BIRC6: variants seen among roughly 807,000 people sequenced by gnomAD.
BIRC6 encodes dual E2 ubiquitin-conjugating enzyme/E3 ubiquitin-protein ligase BIRC6.
In BIRC6, 98 loss-of-function variants were observed where a neutral mutation model predicts 503.3. The observed-to-expected ratio is 0.19, with a 90% CI of 0.17 to 0.23. The LOEUF (loss-of-function observed/expected upper bound fraction) is 0.23. BIRC6 is among the 10% of genes least tolerant of loss of function. BIRC6 has a pLI of 1.00. For missense variants in BIRC6, 5,360 were observed against 5,806.0 expected (o/e 0.92, Z 2.50); for synonymous variants, 2,240 against 2,078.7 (o/e 1.08, Z -2.11).
chr2:32,376,532 A>ATT (rs2036810103), intron 1 of BIRC6, among the ~76,000 whole-genome samples: 1 of 152,226 alleles, frequency 6.6e-6, no homozygotes, highest in African/African-American at 2.4e-5. Flanking sequence ...AAATAGACTA[A>ATT]TATCTACATA....
In BIRC6 at chr2:32,471,066, G is replaced by C; in HGVS notation, c.6534G>C (p.Leu2178Phe). ...ISWVVMLVSR[L>F]LDYVATVEDE... Reference sequence around the variant, plus strand: ...GGGTTGTTATGCTGGTGTCCAGGTTGCTGGATTATGTGGCAACTGTTGAAG... The same window carrying C: ...GGGTTGTTATGCTGGTGTCCAGGTTCCTGGATTATGTGGCAACTGTTGAAG... The change falls in exon 32 of 74, where the codon TTG becomes TTC. Residue 2178 changes from leucine to phenylalanine, a missense_variant. Physicochemically the swap from Leu to Phe is conservative, Grantham distance 22. Transcript: ENST00000421745. 1 of 1,583,686 alleles carries C rather than the reference G, an allele frequency of 6.3e-7. No individual in the cohort carries two copies. Among genetic ancestry groups the C allele is most frequent in the South Asian group, 1.2e-5 (1 of 86,472 alleles).
chr2:32,515,568 T>C lies in BIRC6; in HGVS notation c.11147T>C (p.Leu3716Pro). The C allele has an allele frequency of 6.2e-7, 1 of 1,613,990 alleles. No homozygotes were observed. Among genetic ancestry groups the C allele is most frequent in the Non-Finnish European group, 8.5e-7 (1 of 1,179,892 alleles). ...SEVNPLWTAL[L>P]FLLCHSGSTS... ...GTCAATCCACTATGGACAGCACTTC[T>C]GTTTTTATTGTGTCACTCTGGGTCC... Residue 3716 changes from leucine (L) to proline (P), a missense_variant, in exon 55 of 74, where the codon CTG becomes CCG. Leu to Pro is a moderately conservative substitution (Grantham distance 98, BLOSUM62 -3). This residue lies in a region of BIRC6 where 878 missense variants were observed against 928.9 expected (regional missense o/e 0.95). Transcript: ENST00000421745.
At chr2:32,453,661 A>G (rs2046944599) in intron 22 of BIRC6, 147 bp from the exon 23 acceptor site, 3 of 735,618 alleles carry the variant, frequency 4.1e-6, no homozygotes, top group African/African-American at 1.8e-5. Context: ...AGTTTTCTTA[A>G]TACCATGCCC....
At chr2:32,603,238 A>T (rs1455325656) in intron 71 of BIRC6, among the ~76,000 whole-genome samples, 155 bp downstream of exon 71, 2 of 152,216 alleles carry the variant, frequency 1.3e-5, no homozygotes, top group Non-Finnish European at 2.9e-5. Context: ...AGAAGTTAGC[A>T]TAATGGAGTC....
chr2:32,398,178 C>T (rs1004402124), intron 6 of BIRC6, among the ~76,000 whole-genome samples: 5 of 152,174 alleles, frequency 3.3e-5, no homozygotes, highest in African/African-American at 1.2e-4. Flanking sequence ...GGACCATACC[C>T]TAGTAACTAG....
At chr2:32,500,863 C>T (rs1174157515) in intron 46 of BIRC6, among the ~76,000 whole-genome samples, 1 of 151,742 alleles carries the variant, frequency 6.6e-6, no homozygotes, top group African/African-American at 2.4e-5. Context: ...CCTCAGCCTC[C>T]GAAAGTGCTA....
rs145493127 is a variant in BIRC6, at chr2:32,515,400, C to T, written c.10979C>T (p.Ser3660Phe). The change falls in exon 55 of 74, where the codon TCC becomes TTC. Residue 3660 changes from serine to phenylalanine, a missense_variant. Transcript: ENST00000421745. ...SESIAQSIDI[S>F]QDKLRRHHVP... The stretch of plus-strand genomic sequence containing the variant: ...AGCATTGCCCAGTCAATAGATATTT[C>T]CCAGGACAAACTCAGGCGCCATCAT... 5 of 1,613,134 alleles carry T rather than the reference C, an allele frequency of 3.1e-6. No individual in the cohort carries two copies. Among genetic ancestry groups the T allele is most frequent in the Non-Finnish European group, 3.4e-6 (4 of 1,179,864 alleles).
intron 23 of BIRC6, among the ~76,000 whole-genome samples, chr2:32,458,365 AACTCTT>A (rs2047470406): frequency 6.6e-6 from 1 of 152,128 alleles, no homozygotes; most frequent in South Asian, 2.1e-4. Context: ...ATAGCCAGTT[AACTCTT>A]TAAATATTGC....
intron 65 of BIRC6, chr2:32,563,587 G>C (rs1020095286): frequency 6.6e-6 from 1 of 152,092 alleles, no homozygotes; most frequent in African/African-American, 2.4e-5. Flanking sequence ...AAATATTTCA[G>C]TATAAAAAGG....
chr2:32,511,590 C>T lies in BIRC6; in HGVS notation c.10346+956C>T, dbSNP rs567488548. 4.9e-4 allele frequency among the ~76,000 whole-genome samples: 74 copies of T among 150,768 alleles called. No individual in the cohort carries two copies. The East Asian group carries it at 6.2e-3, about 13-fold the overall frequency. On this transcript the variant is annotated intron_variant, in intron 53 of 73. Coordinates refer to ENST00000421745, the MANE Select transcript of BIRC6 (RefSeq NM_016252.4). ...CATGATCCGCCCACCTCAGGCCTCCCAAGTGCTGGGATTACAGGCATGAGC... is the reference window on the plus strand; with the variant it reads ...CATGATCCGCCCACCTCAGGCCTCCTAAGTGCTGGGATTACAGGCATGAGC...
At chr2:32,516,092 G>C (rs2055004358) in intron 55 of BIRC6, among the ~76,000 whole-genome samples, 1 of 152,206 alleles carries the variant, frequency 6.6e-6, no homozygotes, top group African/African-American at 2.4e-5. Context: ...ACTGATCACT[G>C]AGTACTGTAT....
intron 8 of BIRC6, among the ~76,000 whole-genome samples, 195 bp downstream of exon 8, chr2:32,401,818 T>C (rs1304592728): frequency 6.6e-6 from 1 of 152,206 alleles, no homozygotes; most frequent in Non-Finnish European, 1.5e-5. Flanking sequence ...CCGTAGTTTA[T>C]AAAATATGCT....
In BIRC6 at chr2:32,430,998, A is replaced by G. The variant is rs1314821944; in HGVS notation, c.3156A>G (p.Glu1052=). Residue 1052 remains glutamate, a synonymous_variant, in exon 12 of 74, where the codon GAA becomes GAG. Transcript: ENST00000421745. ...VPPCWVEVQQ[E]QQQRRHPQHL... is the part of the protein sequence containing the mutation. Reference sequence around the variant, plus strand: ...CATGCTGGGTAGAAGTTCAACAAGAACAGCAGCAAAGGAGGCATCCTCAAC... The same window carrying G: ...CATGCTGGGTAGAAGTTCAACAAGAGCAGCAGCAAAGGAGGCATCCTCAAC... 6.2e-7 allele frequency: 1 copy of G among 1,613,128 alleles called. No individual in the cohort carries two copies. Among genetic ancestry groups the G allele is most frequent in the South Asian group, 1.1e-5 (1 of 91,064 alleles).
chr2:32,358,278 C>G (rs1275723098), intron 1 of BIRC6, among the ~76,000 whole-genome samples: 1 of 152,080 alleles, frequency 6.6e-6, no homozygotes, highest in Non-Finnish European at 1.5e-5. Context: ...TTTCCCACAG[C>G]GAGCCGAAAA....
chr2:32,508,511 T>C (rs2054045951), intron 51 of BIRC6, among the ~76,000 whole-genome samples: 1 of 151,924 alleles, frequency 6.6e-6, no homozygotes. Flanking sequence ...TACATGTAGG[T>C]GTACATTGTA....
chr2:32,480,569 A>T (rs2149171563), intron 37 of BIRC6, among the ~76,000 whole-genome samples: 1 of 147,218 alleles, frequency 6.8e-6, no homozygotes, highest in Non-Finnish European at 1.5e-5. Flanking sequence ...AAATTTGGAG[A>T]CATCTGAGAG....
chr2:32,357,292 CGGCGGGGGCGGG>C lies in BIRC6; in HGVS notation c.137_148del (p.Gly46_Ala49del), dbSNP rs776739671. ...GCCTCGGGCCCCGGCTGCTCCTCGG[CGGCGGGGGCGGG>C]GGCGGCCGGGGTCTCAGAGTGGCTG... On this transcript the variant is annotated inframe_deletion, in exon 1 of 74. Coordinates refer to ENST00000421745, the MANE Select transcript of BIRC6 (RefSeq NM_016252.4). The surrounding 1 kb of genome is among the most constrained non-coding windows in gnomAD (Gnocchi z 4.9). 2 of 1,524,420 alleles carry C rather than the reference CGGCGGGGGCGGG, an allele frequency of 1.3e-6. No homozygotes were observed. Among genetic ancestry groups the C allele is most frequent in the East Asian group, 5.2e-5 (2 of 38,330 alleles). 94.4% of individuals were successfully genotyped at this position (1,524,420 alleles called of 1,614,324 possible).
chr2:32,451,274 C>T (rs1028243068), intron 22 of BIRC6, among the ~76,000 whole-genome samples: 3 of 152,174 alleles, frequency 2.0e-5, no homozygotes, highest in African/African-American at 7.2e-5. Context: ...TTTTCCTTGC[C>T]ACTTTATCTT....
chr2:32,423,752 T>C (rs1327513625), intron 10 of BIRC6, among the ~76,000 whole-genome samples: 1 of 151,976 alleles, frequency 6.6e-6, no homozygotes, highest in East Asian at 1.9e-4. Flanking sequence ...AAATGGAAAA[T>C]TTCAGAAATC....
Sources: gnomAD v4.1 joint callset for allele counts (sites outside exome capture counted in the v4.1 genomes callset) on GRCh38, gnomAD v4.1.1 for gene constraint, gnomAD v4.1.1 regional missense constraint, Gnocchi (gnomAD v3.1) non-coding constraint, MANE v1.5 for transcripts, NCBI Gene and HGNC (gene_info 2026-07-23, HGNC 2026-07-21) for gene names.